Variants in HMBOX1 observed in about 807,000 individuals in gnomAD.
HMBOX1 encodes homeobox-containing protein 1.
Under a neutral mutation model 54.5 loss-of-function variants are expected in HMBOX1, and 14 were observed. The ratio of observed to expected loss-of-function variants is 0.26; its 90% confidence interval spans 0.17 to 0.40. The LOEUF (loss-of-function observed/expected upper bound fraction) is 0.40, where lower values mean the gene tolerates loss of function less well. HMBOX1 is among the 10% of genes least tolerant of loss of function. The pLI, the probability that HMBOX1 is intolerant of heterozygous loss-of-function variation, is 1.00. For synonymous variants in HMBOX1, 160 were observed against 181.0 expected (o/e 0.88, Z 0.93); for missense variants, 332 against 514.4 (o/e 0.65, Z 3.43).
chr8:28,940,500 C>G (rs1376509495), intron 1 of HMBOX1, among the ~76,000 whole-genome samples: 3 of 152,250 alleles, frequency 2.0e-5, no homozygotes, highest in African/African-American at 7.2e-5. Flanking sequence ...TAATGACTCT[C>G]ACTACACTGT....
At chr8:28,932,326 G>A (rs1449201229) in intron 1 of HMBOX1, among the ~76,000 whole-genome samples, 1 of 152,218 alleles carries the variant, frequency 6.6e-6, no homozygotes, top group Non-Finnish European at 1.5e-5. Context: ...AAGATTTTAA[G>A]TGGGAGTATG....
intron 1 of HMBOX1, among the ~76,000 whole-genome samples, chr8:28,907,390 G>A (rs890936119): frequency 1.3e-5 from 2 of 152,144 alleles, no homozygotes; most frequent in Non-Finnish European, 2.9e-5. Flanking sequence ...GTTACCAAAG[G>A]TGGCTGAAAC....
intron 6 of HMBOX1, among the ~76,000 whole-genome samples, chr8:29,023,123 T>C (rs1801453694): frequency 6.6e-6 from 1 of 152,126 alleles, no homozygotes; most frequent in African/African-American, 2.4e-5. Context: ...TAGATAGGTA[T>C]AGATATAGAT....
intron 1 of HMBOX1, among the ~76,000 whole-genome samples, chr8:28,926,349 A>G (rs974663269): frequency 2.0e-5 from 3 of 152,038 alleles, no homozygotes; most frequent in African/African-American, 7.3e-5. Context: ...TAAAATACAA[A>G]TATTCATTTA....
chr8:28,994,340 C>T (rs1831465085), intron 4 of HMBOX1, among the ~76,000 whole-genome samples: 1 of 151,974 alleles, frequency 6.6e-6, no homozygotes, highest in Non-Finnish European at 1.5e-5. Flanking sequence ...TGGAGATGAG[C>T]AAATTTAGCT....
At chr8:28,935,123 A>G (rs1241302151) in intron 1 of HMBOX1, among the ~76,000 whole-genome samples, 1 of 152,164 alleles carries the variant, frequency 6.6e-6, no homozygotes, top group African/African-American at 2.4e-5. Context: ...AAATTAAAGA[A>G]AACCTGAATA....
At chr8:28,973,825 T>TTTTTTGTTTGTTTG (rs1360971045) in intron 3 of HMBOX1, among the ~76,000 whole-genome samples, 3 of 59,026 alleles carry the variant, frequency 5.1e-5, no homozygotes, top group African/African-American at 1.3e-4. Context: ...TTTTTTTTTT[T>TTTTTTGTTTGTTTG]TTTTTTTTTG....
At chr8:29,003,405 A>G (rs1399852747) in intron 4 of HMBOX1, among the ~76,000 whole-genome samples, 1 of 151,244 alleles carries the variant, frequency 6.6e-6, no homozygotes, top group African/African-American at 2.4e-5. Context: ...CTATATGAGA[A>G]CATTCTAAGA....
At chr8:29,050,902 C>A in intron 9 of HMBOX1, 116 bp from the exon 10 acceptor site, 1 of 899,412 alleles carries the variant, frequency 1.1e-6, no homozygotes, top group Non-Finnish European at 1.7e-6. Flanking sequence ...TTATCATGAG[C>A]CCCTCCCCCA....
At chr8:29,049,177 C>A (rs1806069774) in intron 9 of HMBOX1, 129 bp downstream of exon 9, 2 of 1,497,244 alleles carry the variant, frequency 1.3e-6, no homozygotes, top group Admixed American at 3.8e-5. Context: ...CACTCTGCTC[C>A]TGTGTCTAGT....
intron 5 of HMBOX1, chr8:29,009,881 G>A: frequency 8.8e-7 from 1 of 1,133,250 alleles, no homozygotes; most frequent in Non-Finnish European, 1.1e-6. Context: ...CTTTACACAG[G>A]CAAGTGACAG....
intron 1 of HMBOX1, among the ~76,000 whole-genome samples, chr8:28,942,881 A>G (rs1347918129): frequency 6.6e-6 from 1 of 152,168 alleles, no homozygotes; most frequent in African/African-American, 2.4e-5. Context: ...TACTACTGGA[A>G]TTGCTAGGTT....
At chr8:28,990,725 G>T (rs562921039) in intron 4 of HMBOX1, among the ~76,000 whole-genome samples, 1 of 151,814 alleles carries the variant, frequency 6.6e-6, no homozygotes, top group African/African-American at 2.4e-5. Context: ...GCGCAATCTC[G>T]GCTCACTGCA....
chr8:28,906,050 A>T, intron 1 of HMBOX1, among the ~76,000 whole-genome samples: 1 of 152,346 alleles, frequency 6.6e-6, no homozygotes, highest in East Asian at 1.9e-4. Context: ...TTAGAATTTA[A>T]TCAGAGATTA....
At chr8:28,988,931 A>T (rs918478776) in intron 4 of HMBOX1, among the ~76,000 whole-genome samples, 7 of 152,168 alleles carry the variant, frequency 4.6e-5, no homozygotes, top group Non-Finnish European at 8.8e-5. Context: ...AGTTATATTT[A>T]TCATTTTTTT....
intron 1 of HMBOX1, among the ~76,000 whole-genome samples, chr8:28,959,501 C>A (rs577948717): frequency 6.6e-5 from 10 of 152,110 alleles, no homozygotes; most frequent in African/African-American, 2.4e-4. Context: ...TTACTGAAAC[C>A]ACAGAAAGCC....
At chr8:28,963,416 T>G (rs1825935231) in intron 1 of HMBOX1, among the ~76,000 whole-genome samples, 1 of 152,244 alleles carries the variant, frequency 6.6e-6, no homozygotes, top group Non-Finnish European at 1.5e-5. Flanking sequence ...TGTTGGACAC[T>G]TTGGCCATGC....
intron 1 of HMBOX1, among the ~76,000 whole-genome samples, chr8:28,952,670 T>C (rs1202728462): frequency 6.6e-6 from 1 of 152,246 alleles, no homozygotes. Flanking sequence ...GAAACAATTT[T>C]AGAAACTATA....
chr8:28,964,640 C>T (rs576901138), intron 2 of HMBOX1, among the ~76,000 whole-genome samples: 14 of 151,970 alleles, frequency 9.2e-5, no homozygotes, highest in East Asian at 5.8e-4. Flanking sequence ...AAATTCCTTC[C>T]GTTTTGGTTG....
Sources: gnomAD v4.1 joint callset for allele counts (sites outside exome capture counted in the v4.1 genomes callset) on GRCh38, gnomAD v4.1.1 for gene constraint, MANE v1.5 for transcripts, NCBI Gene and HGNC (gene_info 2026-07-23, HGNC 2026-07-21) for gene names.